TP63: variants seen among roughly 807,000 people sequenced by gnomAD.
TP63 encodes tumor protein p63.
A neutral mutation model predicts 82.8 loss-of-function variants in TP63; 17 were observed. The observed-to-expected ratio is 0.21, with a 90% CI of 0.14 to 0.31. The LOEUF is 0.31. Ranked by LOEUF, TP63 falls within the 10% of genes least tolerant of loss-of-function variation. The pLI is 1.00. For missense variants in TP63, 648 were observed against 895.3 expected, an observed-to-expected ratio of 0.72 and a Z score of 3.52; for synonymous variants, 330 against 321.7, an observed-to-expected ratio of 1.03 and a Z score of -0.28.
the TP63 span, among the ~76,000 whole-genome samples, chr3:189,599,630 T>C: frequency 6.6e-6 from 1 of 152,194 alleles, no homozygotes; most frequent in African/African-American, 2.4e-5. Context: ...ACCAGTTTCT[T>C]CTATGAGCAG....
Position 189,875,617 on chromosome 3 carries a change from T to TAC in TP63, c.1349+2623_1349+2624insCA, listed in dbSNP as rs1398952752. 1.8e-3 allele frequency among the ~76,000 whole-genome samples: 186 copies of TAC among 104,074 alleles called. 9 individuals carry two copies. Among genetic ancestry groups the TAC allele is most frequent in the African/African-American group, 6.3e-3 (160 of 25,500 alleles). The allele number at this position is 104,074 out of a possible 152,430, so 68.3% of individuals were successfully genotyped here. A position where few individuals can be genotyped will look rare whatever the true frequency, so the allele number is the denominator to read the frequency against. On this transcript the variant is annotated intron_variant, in intron 10 of 13. Transcript: ENST00000264731. ...ACATATATATATATATATATATATA[T>TAC]ATATATATATATATATATATAAACT...
chr3:189,738,890 G>A (rs1720784738), intron 3 of TP63, 116 bp downstream of exon 3: 6 of 1,445,722 alleles, frequency 4.2e-6, no homozygotes, highest in Non-Finnish European at 4.7e-6. Flanking sequence ...CAAGGCCTTT[G>A]GGAAGAGAGT....
chr3:189,769,077 C>A (rs1723150767), intron 3 of TP63, among the ~76,000 whole-genome samples: 1 of 152,132 alleles, frequency 6.6e-6, no homozygotes, highest in South Asian at 2.1e-4. Context: ...ATAGTACCTT[C>A]CTCATAGGCT....
At chr3:189,789,777 G>T in intron 3 of TP63, 1 of 1,586,992 alleles carries the variant, frequency 6.3e-7, no homozygotes, top group Non-Finnish European at 8.6e-7. Flanking sequence ...AAGGACAGCA[G>T]CATTGATCAA....
At chr3:189,843,916 G>A (rs1287779335) in intron 4 of TP63, among the ~76,000 whole-genome samples, 1 of 152,170 alleles carries the variant, frequency 6.6e-6, no homozygotes, top group African/African-American at 2.4e-5. Context: ...TTTAGAAATA[G>A]AATGACAAAA....
intron 1 of TP63, among the ~76,000 whole-genome samples, chr3:189,684,048 T>C (rs776268570): frequency 9.2e-5 from 14 of 152,194 alleles, no homozygotes; most frequent in Non-Finnish European, 1.3e-4. Context: ...ATGACGGTAA[T>C]ACAAGGTGTG....
At chr3:189,787,439 A>C (rs562242962) in intron 3 of TP63, among the ~76,000 whole-genome samples, 10 of 152,136 alleles carry the variant, frequency 6.6e-5, no homozygotes, top group Non-Finnish European at 1.2e-4. Flanking sequence ...CTCCCAGTCC[A>C]GTGCTCTTTT....
rs1718142452 is a variant in TP63 at position 189,869,461 on chromosome 3, C to G, written c.1212+55C>G. On this transcript the variant is annotated intron_variant, in intron 9 of 13. Coordinates refer to ENST00000264731, the MANE Select transcript of TP63 (RefSeq NM_003722.5). Reference sequence around the variant, plus strand: ...TTCATTTTAACCTTCTTTGAATGGGCTTTTACAGTATGATCATCATCTCAT... The same window carrying G: ...TTCATTTTAACCTTCTTTGAATGGGGTTTTACAGTATGATCATCATCTCAT... 4.0e-5 allele frequency: 58 copies of G among 1,449,992 alleles called. No homozygotes were observed. The South Asian group carries it at 5.9e-4, about 15-fold the overall frequency. The allele number at this position is 1,449,992 out of a possible 1,614,324, so 89.8% of individuals were successfully genotyped here. A position where few individuals can be genotyped will look rare whatever the true frequency, so the allele number is the denominator to read the frequency against.
At chr3:189,642,688 T>C (rs1004795843) in intron 1 of TP63, among the ~76,000 whole-genome samples, 6 of 152,166 alleles carry the variant, frequency 3.9e-5, no homozygotes, top group African/African-American at 1.4e-4. Context: ...ATAGGTCTTA[T>C]TATTTATATT....
At chr3:189,891,719 G>A (rs952860857) in intron 13 of TP63, among the ~76,000 whole-genome samples, 4 of 151,856 alleles carry the variant, frequency 2.6e-5, no homozygotes, top group Admixed American at 1.3e-4. Flanking sequence ...TTGAACTCCT[G>A]CTCACACGGG....
intron 4 of TP63, among the ~76,000 whole-genome samples, chr3:189,835,915 AAAT>A (rs71711373): frequency 0.26 from 35,285 of 136,646 alleles, 4,702 homozygotes; most frequent in Admixed American, 0.36. Flanking sequence ...CTCCATCTCA[AAAT>A]AATAATAATA....
chr3:189,707,133 T>A (rs1718263592), intron 1 of TP63, among the ~76,000 whole-genome samples: 1 of 152,252 alleles, frequency 6.6e-6, no homozygotes, highest in African/African-American at 2.4e-5. Context: ...TACAGTTTTA[T>A]GATAATACTA....
At chr3:189,764,491 T>A (rs1290106425) in intron 3 of TP63, among the ~76,000 whole-genome samples, 1 of 152,132 alleles carries the variant, frequency 6.6e-6, no homozygotes, top group Non-Finnish European at 1.5e-5. Flanking sequence ...CAGTATAAGC[T>A]TTTTACTGGG....
intron 3 of TP63, 77 bp downstream of exon 3, chr3:189,738,851 G>C: frequency 6.3e-7 from 1 of 1,577,002 alleles, no homozygotes; most frequent in Non-Finnish European, 8.6e-7. Flanking sequence ...TTTCAGTCAT[G>C]TGTGAAAAGG....
At chr3:189,851,776 T>C (rs1409449194) in intron 4 of TP63, among the ~76,000 whole-genome samples, 1 of 151,988 alleles carries the variant, frequency 6.6e-6, no homozygotes, top group Non-Finnish European at 1.5e-5. Context: ...ACTTAAGATA[T>C]GCCCTTCTGA....
rs189711153 is a variant in TP63 at position 189,656,751 on chromosome 3, A to G, written c.62+25174A>G. ...CAGATTTCCAAAGCCTGAGGACCAC[A>G]TGGTAACAACAAGGTTAATTCTCTA... On this transcript the variant is annotated intron_variant, in intron 1 of 13. Transcript: ENST00000264731. Among the ~76,000 whole-genome samples, 7 of 152,286 alleles carry G rather than the reference A, an allele frequency of 4.6e-5. No individual in the cohort carries two copies. The East Asian group carries it at 1.3e-3, about 29-fold the overall frequency.
chr3:189,744,713 G>A (rs149212804), intron 3 of TP63, among the ~76,000 whole-genome samples: 9 of 152,306 alleles, frequency 5.9e-5, no homozygotes, highest in Non-Finnish European at 1.0e-4. Flanking sequence ...CATCACCCAT[G>A]ACATGCCAGC....
chr3:189,677,198 T>TTG (rs140059391), intron 1 of TP63, among the ~76,000 whole-genome samples: 5,521 of 148,632 alleles, frequency 0.037, 143 homozygotes, highest in Non-Finnish European at 0.054. Flanking sequence ...TGGTGTGTGT[T>TTG]TGTGTGTGTG....
In TP63 at chr3:189,895,162, C is replaced by T. The variant is rs1393268880; in HGVS notation, c.*660C>T. On this transcript the variant is annotated 3_prime_UTR_variant, in exon 14 of 14. Transcript: ENST00000264731. ...AGACTGTAGATATGTATTCTTTTCT[C>T]AGTGTTGGTATATTTTATATTACTG... 1.8e-5 allele frequency: 4 copies of T among 220,690 alleles called. No homozygotes were observed. The highest frequency in any genetic ancestry group is 2.7e-5 in the Non-Finnish European group (3 of 110,210). The allele number at this position is 220,690 out of a possible 1,614,324, so 13.7% of individuals were successfully genotyped here.
Sources: allele counts gnomAD v4.1 joint callset (sites outside exome capture counted in the v4.1 genomes callset), GRCh38; gene constraint gnomAD v4.1.1; transcripts MANE v1.5; gene names NCBI Gene and HGNC (gene_info 2026-07-23, HGNC 2026-07-21).